Variants in INPP5B observed in about 807,000 individuals in gnomAD.
INPP5B encodes inositol polyphosphate-5-phosphatase B, also known as type II inositol 1,4,5-trisphosphate 5-phosphatase.
In INPP5B, 90 loss-of-function variants were observed where a neutral mutation model predicts 118.5. That is an observed-to-expected ratio of 0.76 (90% CI 0.64 to 0.90). The LOEUF is 0.90. INPP5B is among the 40% of genes least tolerant of loss of function. INPP5B has a pLI of 0.00. For missense variants in INPP5B, 984 were observed against 1,125.6 expected, an observed-to-expected ratio of 0.87 and a Z score of 1.80; for synonymous variants, 385 against 418.9, an observed-to-expected ratio of 0.92 and a Z score of 0.99.
At chr1:37,908,821 C>T (rs1028236209) in intron 7 of INPP5B, among the ~76,000 whole-genome samples, 1 of 152,020 alleles carries the variant, frequency 6.6e-6, no homozygotes. Context: ...TGGCTGCTCA[C>T]CCACATTGCA....
chr1:37,913,047 G>A (rs1644753977), intron 7 of INPP5B, among the ~76,000 whole-genome samples: 1 of 151,920 alleles, frequency 6.6e-6, no homozygotes, highest in African/African-American at 2.4e-5. Context: ...CACGAGGTCA[G>A]GAGATCGAGA....
chr1:37,865,963 C>A, intron 21 of INPP5B, 75 bp from the exon 22 acceptor site: 1 of 1,584,642 alleles, frequency 6.3e-7, no homozygotes, highest in Non-Finnish European at 8.6e-7. Context: ...CAAGCACATG[C>A]CAGAAGTGCT....
At position 37,865,756 on chromosome 1, in the gene INPP5B, C is replaced by T. The variant is rs765946094; in HGVS notation, c.2514+5G>A. The T allele has an allele frequency of 1.2e-6, 2 of 1,612,474 alleles. No homozygotes were observed. Among genetic ancestry groups the T allele is most frequent in the African/African-American group, 2.7e-5 (2 of 74,880 alleles). On this transcript the variant is annotated splice_donor_5th_base_variant and intron_variant, in intron 22 of 23. Transcript: ENST00000373024. ...AACCACATGCTGCTCAATGCTTCCT[C>T]TCACCTGTTTGCTTGCTGTGTAGTT... is the stretch of plus-strand genomic sequence containing the variant.
Position 37,943,796 on chromosome 1 carries a change from C to T in INPP5B, c.250G>A (p.Val84Met), listed in dbSNP as rs369304488. The change falls in exon 4 of 24, where the codon GTG (valine) becomes ATG (methionine). Residue 84 changes from valine (V) to methionine (M), a missense_variant and splice_region_variant. Around this residue, in one of 2 missense-constraint regions of INPP5B, gnomAD observed 350 missense variants for 334.6 expected, o/e 1.05. Transcript: ENST00000373024. Reference protein sequence around the residue: ...PVSRDFTLEEVSPDGELYILG... With the variant: ...PVSRDFTLEEMSPDGELYILG... ...CATACCACCCAGCCCCCTGTGGCAC[C>T]TTCTTCCAGCGTAAAATCCCGCGAG... 2.5e-6 allele frequency: 4 copies of T among 1,613,842 alleles called. No individual in the cohort carries two copies. The African/African-American group carries it at 4.0e-5, about 16-fold the overall frequency.
chr1:37,916,686 G>A (rs1644877886), intron 7 of INPP5B, among the ~76,000 whole-genome samples: 1 of 152,140 alleles, frequency 6.6e-6, no homozygotes, highest in South Asian at 2.1e-4. Context: ...AAAGTGCTGG[G>A]ATTACAGGCG....
At chr1:37,873,278 G>C (rs1046495212) in intron 18 of INPP5B, 113 bp from the exon 19 acceptor site, 1 of 734,710 alleles carries the variant, frequency 1.4e-6, no homozygotes, top group African/African-American at 1.7e-5. Flanking sequence ...GAAAGAAAAG[G>C]TATCAGCCAA....
chr1:37,866,460 G>C lies in INPP5B; in HGVS notation c.2385C>G (p.Leu795=). 6.5e-7 allele frequency: 1 copy of C among 1,532,582 alleles called. No individual in the cohort carries two copies. Among genetic ancestry groups the C allele is most frequent in the South Asian group, 1.1e-5 (1 of 89,394 alleles). 94.9% of individuals were successfully genotyped at this position (1,532,582 alleles called of 1,614,324 possible). The change falls in exon 21 of 24, where the codon CTC becomes CTG. Residue 795 remains leucine (L), a splice_region_variant and synonymous_variant. Transcript: ENST00000373024. ...DCLDTGMIDN[L]SASNHSVAEA... ...CAGAGCTGAATGTCTGAAGGATACA[G>C]AGGTTATCAATCATTCCAGTATCCA...
rs554925339 is a variant in INPP5B, at chr1:37,915,115, G to A, written c.532+16798C>T. Among the ~76,000 whole-genome samples, 7 of 152,272 alleles carry A rather than the reference G, an allele frequency of 4.6e-5. No individual in the cohort carries two copies. In the East Asian group the frequency reaches 1.3e-3, roughly 29 times the overall value. The stretch of plus-strand genomic sequence containing the variant: ...TGTGCTTTGTACTGCATATTGTGTA[G>A]AACCAAAACTCTCACATGCCTCACT... On this transcript the variant is annotated intron_variant, in intron 7 of 23. Transcript: ENST00000373024.
At chr1:37,916,828 T>C (rs1644882376) in intron 7 of INPP5B, among the ~76,000 whole-genome samples, 2 of 152,154 alleles carry the variant, frequency 1.3e-5, no homozygotes, top group African/African-American at 4.8e-5. Flanking sequence ...AGCAACATTA[T>C]TTCTTCATTC....
At chr1:37,920,614 G>A (rs1222465852) in intron 7 of INPP5B, among the ~76,000 whole-genome samples, 1 of 151,420 alleles carries the variant, frequency 6.6e-6, no homozygotes, top group African/African-American at 2.4e-5. Flanking sequence ...GCAGTGAGCC[G>A]AGATCAAACC....
At chr1:37,916,473 A>G (rs1241644102) in intron 7 of INPP5B, among the ~76,000 whole-genome samples, 1 of 145,904 alleles carries the variant, frequency 6.9e-6, no homozygotes, top group Non-Finnish European at 1.5e-5. Context: ...CTAGAGTGCA[A>G]TGGCACGATC....
chr1:37,869,108 T>C (rs978506100), intron 19 of INPP5B, among the ~76,000 whole-genome samples: 2 of 152,172 alleles, frequency 1.3e-5, no homozygotes, highest in Non-Finnish European at 2.9e-5. Flanking sequence ...TTCTCCTGTC[T>C]CAGCCTCCCT....
intron 6 of INPP5B, among the ~76,000 whole-genome samples, chr1:37,938,231 T>A (rs545842851): frequency 3.9e-4 from 59 of 151,380 alleles, no homozygotes; most frequent in Middle Eastern, 6.8e-3. Context: ...ATTGCGCCAT[T>A]GCACTCTAGC....
chr1:37,862,433 G>C lies in INPP5B; in HGVS notation c.2627-3C>G. 6.3e-7 allele frequency: 1 copy of C among 1,586,684 alleles called. No homozygotes were observed. The highest frequency in any genetic ancestry group is 1.1e-5 in the South Asian group (1 of 90,406). On this transcript the variant is annotated splice_polypyrimidine_tract_variant and splice_region_variant and intron_variant, in intron 23 of 23. Transcript: ENST00000373024. ...CAATAAGCTGCCAAATATGCTAGCT[G>C]CAAGAAAAAACACAGAAAAGAAATG... is the stretch of plus-strand genomic sequence containing the variant.
In INPP5B at chr1:37,886,377, C is replaced by T. The variant is rs371144409; in HGVS notation, c.1131+511G>A. Among the ~76,000 whole-genome samples the T allele has an allele frequency of 2.6e-5, 4 of 152,264 alleles. No homozygotes were observed. The East Asian group carries it at 5.8e-4, about 22-fold the overall frequency. ...CCTCAAGTGATCCACCCACCTCAGC[C>T]TCCCAAAGTGCTGGGATTACAGGTG... is the stretch of plus-strand genomic sequence containing the variant. On this transcript the variant is annotated intron_variant, in intron 12 of 23. Transcript: ENST00000373024.
chr1:37,939,180 G>A (rs1044679233), intron 6 of INPP5B, among the ~76,000 whole-genome samples: 5 of 137,770 alleles, frequency 3.6e-5, no homozygotes, highest in Non-Finnish European at 7.7e-5. Flanking sequence ...GGCGACAAGA[G>A]CGAAACTCCG....
At chr1:37,866,360 C>T (rs1398462049) in intron 21 of INPP5B, 99 bp downstream of exon 21, 1 of 682,952 alleles carries the variant, frequency 1.5e-6, no homozygotes, top group East Asian at 2.7e-5. Flanking sequence ...AAATACTTTA[C>T]TTTTTCTCAC....
intron 6 of INPP5B, among the ~76,000 whole-genome samples, chr1:37,936,881 A>G (rs1164413974): frequency 3.3e-5 from 5 of 151,796 alleles, no homozygotes; most frequent in African/African-American, 1.2e-4. Flanking sequence ...GTAGAACTAT[A>G]TAATCCTGCC....
chr1:37,906,611 T>A (rs1219962782), intron 7 of INPP5B, among the ~76,000 whole-genome samples: 1 of 152,090 alleles, frequency 6.6e-6, no homozygotes, highest in Non-Finnish European at 1.5e-5. Flanking sequence ...ATCCCAGCAC[T>A]TTGGGAGGCT....
Sources: gnomAD v4.1 joint callset for allele counts (sites outside exome capture counted in the v4.1 genomes callset) on GRCh38, gnomAD v4.1.1 for gene constraint, gnomAD v4.1.1 regional missense constraint, MANE v1.5 for transcripts, NCBI Gene and HGNC (gene_info 2026-07-23, HGNC 2026-07-21) for gene names.